The following PMPCB variants were observed in gnomAD, a reference collection of about 807,000 sequenced individuals.
PMPCB encodes the protein peptidase, mitochondrial processing subunit beta, also known as mitochondrial-processing peptidase subunit beta.
A neutral mutation model predicts 61.5 loss-of-function variants in PMPCB; 46 were observed. The ratio of observed to expected loss-of-function variants is 0.75; its 90% confidence interval spans 0.59 to 0.96. The LOEUF (loss-of-function observed/expected upper bound fraction) is 0.96, where lower values mean the gene tolerates loss of function less well. Among genes scored for constraint, PMPCB ranks in the 40% least tolerant of loss-of-function variants. The pLI, the probability that PMPCB is intolerant of heterozygous loss-of-function variation, is 0.00. For missense variants in PMPCB, 590 were observed against 602.4 expected (o/e 0.98, Z 0.22); for synonymous variants, 191 against 201.6 (o/e 0.95, Z 0.44).
chr7:103,316,047 G>T (rs375684672), downstream of PMPCB: 44 of 1,601,130 alleles, frequency 2.7e-5, no homozygotes, highest in Non-Finnish European at 3.6e-5. Context: ...TTTGACTCCA[G>T]AGGAAGAATG....
At position 103,312,694 on chromosome 7, in the gene PMPCB, A is replaced by G. The variant is rs1279778654; in HGVS notation, c.*423A>G. 3 of 1,602,426 alleles carry G rather than the reference A, an allele frequency of 1.9e-6. No homozygotes were observed. The highest frequency in any genetic ancestry group is 1.7e-6 in the Non-Finnish European group (2 of 1,177,088). ...AAGAAGTTGCGATTTAAAAACAGACATTTTAATCTAGTGTTTGGTGTAAAG... is the reference window on the plus strand; with the variant it reads ...AAGAAGTTGCGATTTAAAAACAGACGTTTTAATCTAGTGTTTGGTGTAAAG... On this transcript the variant is annotated 3_prime_UTR_variant, in exon 13 of 13. Transcript: ENST00000249269.
chr7:103,307,172 C>T (rs540871955), intron 6 of PMPCB, among the ~76,000 whole-genome samples: 7 of 152,298 alleles, frequency 4.6e-5, no homozygotes, highest in South Asian at 2.1e-4. Flanking sequence ...GGATTATAGG[C>T]GTGAGCCACC....
chr7:103,301,900 C>T (rs980322013), intron 4 of PMPCB, among the ~76,000 whole-genome samples: 1 of 152,024 alleles, frequency 6.6e-6, no homozygotes, highest in Non-Finnish European at 1.5e-5. Context: ...GTGCTGCACC[C>T]GTTAACTCGT....
In PMPCB at chr7:103,311,742, T is replaced by C; in HGVS notation, c.1240+14T>C. Reference sequence around the variant, plus strand: ...TGCAGCTTGATGGTAAAAATAAAGATATAGGTTCTGTTTTCATATGGTTGA... The same window carrying C: ...TGCAGCTTGATGGTAAAAATAAAGACATAGGTTCTGTTTTCATATGGTTGA... On this transcript the variant is annotated intron_variant, in intron 10 of 12. Coordinates refer to ENST00000249269, the MANE Select transcript of PMPCB (RefSeq NM_004279.3). The C allele has an allele frequency of 6.2e-7, 1 of 1,610,390 alleles. No homozygotes were observed. Among genetic ancestry groups the C allele is most frequent in the Non-Finnish European group, 8.5e-7 (1 of 1,176,816 alleles).
rs377252653 is a variant in PMPCB at position 103,310,674 on chromosome 7, A to ATT, written c.1154+219_1154+220dup. On this transcript the variant is annotated intron_variant, in intron 9 of 12. Transcript: ENST00000249269. ...ATGTGAAGCTGATTTATACTATAGA[A>ATT]TTTTTTTTTTTTTTTTTTTTTGAGA... 727 of 158,364 alleles carry ATT rather than the reference A, an allele frequency of 4.6e-3. 4 individuals carry two copies. The highest frequency in any genetic ancestry group is 0.011 in the African/African-American group (403 of 35,202). The allele number at this position is 158,364 out of a possible 1,614,324, so 9.8% of individuals were successfully genotyped here.
At chr7:103,298,991 C>T (rs770787158) in intron 2 of PMPCB, among the ~76,000 whole-genome samples, 3 of 152,202 alleles carry the variant, frequency 2.0e-5, no homozygotes, top group Non-Finnish European at 4.4e-5. Flanking sequence ...TGCAGGGCTA[C>T]TCTGCCAAGT....
chr7:103,341,939 T>C, the PMPCB span: 1,117 of 1,603,414 alleles, frequency 7.0e-4, 6 homozygotes, highest in African/African-American at 0.014. Context: ...AGGTTCAACT[T>C]GACAGAGTGT....
chr7:103,312,995 T>C lies in PMPCB; in HGVS notation c.*724T>C. The C allele has an allele frequency of 6.2e-7, 1 of 1,614,114 alleles. No homozygotes were observed. Among genetic ancestry groups the C allele is most frequent in the Non-Finnish European group, 8.5e-7 (1 of 1,179,968 alleles). ...TCTTTGTCCTGCCAGGCACCGCTTCTGCTATTTTTTCCCATCTTTCAGGTG... is the reference window on the plus strand; with the variant it reads ...TCTTTGTCCTGCCAGGCACCGCTTCCGCTATTTTTTCCCATCTTTCAGGTG... On this transcript the variant is annotated 3_prime_UTR_variant, in exon 13 of 13. Transcript: ENST00000249269.
chr7:103,333,273 CT>C (rs1196985265), downstream of PMPCB, among the ~76,000 whole-genome samples: 1 of 152,144 alleles, frequency 6.6e-6, no homozygotes, highest in Non-Finnish European at 1.5e-5. Flanking sequence ...GAATTTCCAC[CT>C]TATCTTTTCC....
At position 103,308,996 on chromosome 7, in the gene PMPCB, A is replaced by G. The variant is rs1202651794; in HGVS notation, c.894A>G (p.Ile298Met). ...AGATGCCTTTGGCGCACCTTGCAATAGCTGTTGAAGCTGTTGGTTGGGCAC... is the reference window on the plus strand; with the variant it reads ...AGATGCCTTTGGCGCACCTTGCAATGGCTGTTGAAGCTGTTGGTTGGGCAC... ...DDKMPLAHLA[I>M]AVEAVGWAHP... The change falls in exon 8 of 13, where the codon ATA becomes ATG. Residue 298 changes from isoleucine (I) to methionine (M), a missense_variant. Ile to Met is a conservative substitution (Grantham distance 10). Coordinates refer to ENST00000249269, the MANE Select transcript of PMPCB (RefSeq NM_004279.3). The G allele has an allele frequency of 3.5e-5, 56 of 1,604,318 alleles. No individual in the cohort carries two copies. The highest frequency in any genetic ancestry group is 4.8e-5 in the Non-Finnish European group (56 of 1,174,966).
intron 12 of PMPCB, among the ~76,000 whole-genome samples, chr7:103,328,266 G>A (rs1446742167): frequency 6.6e-6 from 1 of 151,958 alleles, no homozygotes; most frequent in Non-Finnish European, 1.5e-5. Flanking sequence ...CCTAACCAAC[G>A]ACAATGACTC....
downstream of PMPCB, chr7:103,316,384 C>G: frequency 4.2e-6 from 1 of 240,790 alleles, no homozygotes; most frequent in Non-Finnish European, 7.9e-6. Flanking sequence ...TAATACATTT[C>G]TTCAGAAGAT....
downstream of PMPCB, chr7:103,316,720 G>A: frequency 2.1e-6 from 2 of 949,596 alleles, no homozygotes; most frequent in African/African-American, 1.6e-5. Flanking sequence ...CTGTGGCACA[G>A]AATTTATCTC....
At chr7:103,311,151 T>C (rs1331685292) in intron 9 of PMPCB, 1 of 153,904 alleles carries the variant, frequency 6.5e-6, no homozygotes, top group Non-Finnish European at 1.4e-5. Context: ...ATTGAGTCGA[T>C]AGATGGGCAG....
rs201898944 is a variant in PMPCB, at chr7:103,298,560, C to T, written c.100-8C>T. ...GCTTTGTCTCTTCCACTTCCTACCC[C>T]CAACCAGTCATTATATTTTGGAGAG... On this transcript the variant is annotated splice_region_variant and splice_polypyrimidine_tract_variant and intron_variant, in intron 1 of 12. Transcript: ENST00000249269. The T allele has an allele frequency of 8.6e-4, 1,389 of 1,613,338 alleles. 3 individuals are homozygous for T. The highest frequency in any genetic ancestry group is 5.9e-4 in the Non-Finnish European group (697 of 1,179,584).
intron 7 of PMPCB, 90 bp from the exon 8 acceptor site, chr7:103,308,862 G>A: frequency 9.6e-7 from 1 of 1,047,094 alleles, no homozygotes. Context: ...TAACTTTGCA[G>A]TTAATGGGAC....
chr7:103,328,633 A>AAAG (rs34329185), intron 12 of PMPCB, among the ~76,000 whole-genome samples: 10,591 of 152,036 alleles, frequency 0.07, 1,240 homozygotes, highest in African/African-American at 0.24. Context: ...TCTGTGTCAA[A>AAAG]AAGAAGAAGA....
At chr7:103,334,847 AT>A in the PMPCB span, among the ~76,000 whole-genome samples, 1 of 152,046 alleles carries the variant, frequency 6.6e-6, no homozygotes, top group Non-Finnish European at 1.5e-5. Context: ...TTTTTTGGGC[AT>A]TTTTTGAGGC....
chr7:103,346,508 A>C, the PMPCB span, among the ~76,000 whole-genome samples: 1 of 152,226 alleles, frequency 6.6e-6, no homozygotes, highest in Non-Finnish European at 1.5e-5. Flanking sequence ...TTTTAAGTTT[A>C]CAGTAATGTT....
Sources: gnomAD v4.1 joint callset for allele counts (sites outside exome capture counted in the v4.1 genomes callset) on GRCh38, gnomAD v4.1.1 for gene constraint, MANE v1.5 for transcripts, NCBI Gene and HGNC (gene_info 2026-07-23, HGNC 2026-07-21) for gene names.